The following TEAD1 variants were observed in gnomAD, a reference collection of about 807,000 sequenced individuals.
TEAD1 encodes the protein transcriptional enhancer factor TEF-1.
Under a neutral mutation model 54.9 loss-of-function variants are expected in TEAD1, and 9 were observed. The observed-to-expected ratio is 0.16, with a 90% CI of 0.10 to 0.29. The LOEUF (loss-of-function observed/expected upper bound fraction) is 0.29. Among genes scored for constraint, TEAD1 ranks in the 10% least tolerant of loss-of-function variants. The probability of loss-of-function intolerance (pLI) is 1.00; values close to 1 mark genes in which losing one functional copy is unlikely to be tolerated. For synonymous variants in TEAD1, 200 were observed against 187.8 expected (o/e 1.07, Z -0.53); for missense variants, 387 against 535.9 (o/e 0.72, Z 2.74).
At position 12,938,553 on chromosome 11, in the gene TEAD1, C is replaced by T. The variant is rs1949130624; in HGVS notation, c.*1331C>T. 3 of 152,352 alleles carry T rather than the reference C, an allele frequency of 2.0e-5. No homozygotes were observed. Among genetic ancestry groups the T allele is most frequent in the South Asian group, 4.1e-4 (2 of 4,824 alleles). 9.4% of individuals were successfully genotyped at this position (152,352 alleles called of 1,614,324 possible). A position where few individuals can be genotyped will look rare whatever the true frequency, so the allele number is the denominator to read the frequency against. On this transcript the variant is annotated 3_prime_UTR_variant, in exon 13 of 13. Coordinates refer to ENST00000527636, the MANE Select transcript of TEAD1 (RefSeq NM_021961.6). ...ATGTGTCTGTAGACTTAGATACATC[C>T]TCTTGAAGCACATCCATTTCTTTAG...
intron 10 of TEAD1, among the ~76,000 whole-genome samples, chr11:12,914,489 T>A (rs1448015773): frequency 5.9e-5 from 9 of 152,190 alleles, no homozygotes; most frequent in Non-Finnish European, 1.2e-4. Context: ...ACTCAAAGAC[T>A]CTTTTCTGAG....
At chr11:12,721,827 G>A (rs772764138) in intron 2 of TEAD1, among the ~76,000 whole-genome samples, 7 of 152,190 alleles carry the variant, frequency 4.6e-5, no homozygotes, top group South Asian at 2.1e-4. Context: ...CAAGCCCCCC[G>A]CCCCACTGTC....
intron 9 of TEAD1, 125 bp downstream of exon 9, chr11:12,883,250 C>T (rs1002980690): frequency 1.3e-4 from 196 of 1,471,796 alleles, no homozygotes; most frequent in Non-Finnish European, 1.7e-4. Context: ...TGTGTGAAAA[C>T]GGGCCTAGGA....
At chr11:12,831,904 G>C (rs1946791950) in intron 3 of TEAD1, among the ~76,000 whole-genome samples, 1 of 152,072 alleles carries the variant, frequency 6.6e-6, no homozygotes. Flanking sequence ...GTAAGATGCA[G>C]ATATTTGCAC....
rs1304094249 is a variant in TEAD1 at position 12,702,404 on chromosome 11, C to CATGA, written c.-55+26843_-55+26844insATGA. ...CTCCCTCTTTATAGCTTCATGACTT[C>CATGA]CATCTGTAGAATGCTTTATGTCTTA... On this transcript the variant is annotated intron_variant, in intron 2 of 12. Coordinates refer to ENST00000527636, the MANE Select transcript of TEAD1 (RefSeq NM_021961.6). 9.2e-5 allele frequency among the ~76,000 whole-genome samples: 14 copies of CATGA among 152,320 alleles called. No individual in the cohort carries two copies. The East Asian group carries it at 2.7e-3, about 29-fold the overall frequency.
At chr11:12,761,983 G>A (rs1945111640) in intron 2 of TEAD1, among the ~76,000 whole-genome samples, 1 of 152,118 alleles carries the variant, frequency 6.6e-6, no homozygotes, top group Non-Finnish European at 1.5e-5. Context: ...AGACTCTGGG[G>A]CTTACAGTTA....
intron 2 of TEAD1, among the ~76,000 whole-genome samples, chr11:12,681,148 AT>A (rs1219002183): frequency 6.6e-6 from 1 of 152,126 alleles, no homozygotes; most frequent in Non-Finnish European, 1.5e-5. Context: ...CCATCTTGAA[AT>A]CCTGGGCACT....
chr11:12,864,220 C>T (rs1397173416), intron 4 of TEAD1, among the ~76,000 whole-genome samples: 1 of 152,180 alleles, frequency 6.6e-6, no homozygotes, highest in Non-Finnish European at 1.5e-5. Flanking sequence ...CTTTTTGATT[C>T]TGCAGAATGT....
intron 9 of TEAD1, among the ~76,000 whole-genome samples, chr11:12,885,697 C>CT (rs1385788965): frequency 2.0e-5 from 3 of 152,246 alleles, no homozygotes; most frequent in Admixed American, 6.5e-5. Context: ...TAAAAATTCT[C>CT]TTTTTTTAAA....
At chr11:12,781,951 CAAAA>C (rs71454001) in intron 3 of TEAD1, among the ~76,000 whole-genome samples, 111 of 65,410 alleles carry the variant, frequency 1.7e-3, no homozygotes, top group Middle Eastern at 9.4e-3. Context: ...CTCGTCTGTA[CAAAA>C]AAAAAAAAAA....
Position 12,782,519 on chromosome 11 carries a change from T to C in TEAD1, c.202+18085T>C, listed in dbSNP as rs117402681. 2.8e-3 allele frequency among the ~76,000 whole-genome samples: 419 copies of C among 152,310 alleles called. 2 individuals carry two copies. Among genetic ancestry groups the C allele is most frequent in the Non-Finnish European group, 4.4e-3 (301 of 68,022 alleles). On this transcript the variant is annotated intron_variant, in intron 3 of 12. Coordinates refer to ENST00000527636, the MANE Select transcript of TEAD1 (RefSeq NM_021961.6). ...AACTGCAAATGGGTATGGAGTTCTTTCTGGGGTGATTAAGATGTTCTAAAA... is the reference window on the plus strand; with the variant it reads ...AACTGCAAATGGGTATGGAGTTCTTCCTGGGGTGATTAAGATGTTCTAAAA...
At chr11:12,783,925 C>G (rs886796887) in intron 3 of TEAD1, among the ~76,000 whole-genome samples, 8 of 152,182 alleles carry the variant, frequency 5.3e-5, no homozygotes, top group African/African-American at 1.9e-4. Flanking sequence ...GTGTATGCAG[C>G]ATATACACAG....
At chr11:12,781,951 C>CAAAAAAAAAAAAAAAA (rs71454001) in intron 3 of TEAD1, among the ~76,000 whole-genome samples, 1 of 65,394 alleles carries the variant, frequency 1.5e-5, no homozygotes, top group African/African-American at 8.1e-5. Flanking sequence ...CTCGTCTGTA[C>CAAAAAAAAAAAAAAAA]AAAAAAAAAA....
At position 12,939,099 on chromosome 11, in the gene TEAD1, A is replaced by T. The variant is rs1451722031; in HGVS notation, c.*1877A>T. ...AAACACTAAGCCTGACCTCTCCCAA[A>T]TTGGGAAGACCAGAGGAGAAAGTGC... On this transcript the variant is annotated 3_prime_UTR_variant, in exon 13 of 13. Coordinates refer to ENST00000527636, the MANE Select transcript of TEAD1 (RefSeq NM_021961.6). 1 of 152,176 alleles carries T rather than the reference A, an allele frequency of 6.6e-6. No individual in the cohort carries two copies. Among genetic ancestry groups the T allele is most frequent in the Admixed American group, 6.5e-5 (1 of 15,278 alleles). 9.4% of individuals were successfully genotyped at this position (152,176 alleles called of 1,614,324 possible). A position where few individuals can be genotyped will look rare whatever the true frequency, so the allele number is the denominator to read the frequency against.
chr11:12,691,176 T>C (rs1034790103), intron 2 of TEAD1, among the ~76,000 whole-genome samples: 3 of 152,242 alleles, frequency 2.0e-5, no homozygotes, highest in Non-Finnish European at 2.9e-5. Flanking sequence ...TTTTAAATTA[T>C]TGAATGCGTT....
At chr11:12,839,590 C>T (rs921587841) in intron 3 of TEAD1, among the ~76,000 whole-genome samples, 4 of 152,126 alleles carry the variant, frequency 2.6e-5, no homozygotes, top group Non-Finnish European at 5.9e-5. Context: ...GGATAAAGCT[C>T]CTGCCGTGTA....
intron 10 of TEAD1, 72 bp downstream of exon 10, chr11:12,902,185 A>AGCACAGCTGGCTTTGGATTTACACTGAGT: frequency 3.8e-6 from 6 of 1,592,240 alleles, no homozygotes; most frequent in Non-Finnish European, 4.3e-6. Flanking sequence ...AGCACAGTGC[A>AGCACAGCTGGCTTTGGATTTACACTGAGT]GCACAGCTGG....
chr11:12,908,186 CAACCAGTCCAG>C (rs1174063629), intron 10 of TEAD1, among the ~76,000 whole-genome samples: 1 of 152,104 alleles, frequency 6.6e-6, no homozygotes, highest in Admixed American at 6.6e-5. Context: ...ATATGCAAAC[CAACCAGTCCAG>C]AACCAGACCT....
intron 2 of TEAD1, among the ~76,000 whole-genome samples, chr11:12,698,910 T>G (rs963065504): frequency 6.6e-6 from 1 of 152,210 alleles, no homozygotes; most frequent in Non-Finnish European, 1.5e-5. Context: ...TGACTTACCT[T>G]ATATAACTTT....
Sources: allele counts gnomAD v4.1 joint callset (sites outside exome capture counted in the v4.1 genomes callset), GRCh38; gene constraint gnomAD v4.1.1; transcripts MANE v1.5; gene names NCBI Gene and HGNC (gene_info 2026-07-23, HGNC 2026-07-21).